DPYD: variants seen among roughly 807,000 people sequenced by gnomAD.
The protein encoded by DPYD is dihydropyrimidine dehydrogenase [NADP(+)].
A neutral mutation model predicts 116.2 loss-of-function variants in DPYD; 109 were observed. That is an observed-to-expected ratio of 0.94 (90% CI 0.80 to 1.10). The LOEUF is 1.10. Among genes scored for constraint, DPYD ranks in the 50% least tolerant of loss-of-function variants. DPYD has a pLI of 0.00. For missense variants in DPYD, 1,302 were observed against 1,254.5 expected, an observed-to-expected ratio of 1.04 and a Z score of -0.57; for synonymous variants, 440 against 432.0, an observed-to-expected ratio of 1.02 and a Z score of -0.23.
intron 8 of DPYD, among the ~76,000 whole-genome samples, chr1:97,665,924 C>A (rs149172548): frequency 0.013 from 1,917 of 152,204 alleles, 23 homozygotes; most frequent in Non-Finnish European, 0.022. Context: ...TGTTAGAATT[C>A]ATCATGAAGA....
At chr1:97,306,003 A>C (rs532588410) in intron 17 of DPYD, among the ~76,000 whole-genome samples, 174 bp downstream of exon 17, 2 of 152,064 alleles carry the variant, frequency 1.3e-5, no homozygotes, top group Admixed American at 6.6e-5. Context: ...ATTTGCTAGC[A>C]TGAGTCCAGG....
intron 13 of DPYD, among the ~76,000 whole-genome samples, chr1:97,470,129 A>AT (rs1355042190): frequency 6.6e-6 from 1 of 152,162 alleles, no homozygotes; most frequent in Admixed American, 6.5e-5. Context: ...AACTTCATAC[A>AT]TTCCCCCTGC....
intron 20 of DPYD, among the ~76,000 whole-genome samples, chr1:97,176,880 G>GTGTGTGTGTGTGTGTGTGTGTA (rs1657305564): frequency 1.5e-5 from 2 of 130,124 alleles, no homozygotes; most frequent in Non-Finnish European, 3.1e-5. Context: ...GTGTGTGTGT[G>GTGTGTGTGTGTGTGTGTGTGTA]TGTGTGTGTG....
chr1:97,691,904 T>A, intron 6 of DPYD, 106 bp from the exon 7 acceptor site: 1 of 840,660 alleles, frequency 1.2e-6, no homozygotes, highest in Non-Finnish European at 2.0e-6. Context: ...AGAAAATAAA[T>A]ATCTCTTCCA....
intron 18 of DPYD, among the ~76,000 whole-genome samples, chr1:97,262,700 T>C (rs1253520720): frequency 2.0e-5 from 3 of 152,126 alleles, no homozygotes; most frequent in South Asian, 4.1e-4. Flanking sequence ...ATAATTCTTC[T>C]TATTTCTTTT....
At chr1:97,651,062 C>A (rs928717377) in intron 8 of DPYD, among the ~76,000 whole-genome samples, 12 of 152,090 alleles carry the variant, frequency 7.9e-5, no homozygotes, top group Non-Finnish European at 1.5e-4. Context: ...AGACCTCAAA[C>A]CTTGTTTCTC....
At chr1:97,392,380 G>T (rs1156588879) in intron 14 of DPYD, among the ~76,000 whole-genome samples, 2 of 151,144 alleles carry the variant, frequency 1.3e-5, no homozygotes, top group Admixed American at 1.3e-4. Context: ...TTCTAGATAG[G>T]GTCTTGCTCC....
intron 2 of DPYD, among the ~76,000 whole-genome samples, chr1:97,873,280 C>T (rs1037356797): frequency 1.3e-5 from 2 of 151,808 alleles, no homozygotes; most frequent in Non-Finnish European, 2.9e-5. Context: ...ATATAAGTTT[C>T]AAAGTGAAAT....
chr1:97,256,792 C>T (rs1047305443), intron 18 of DPYD, among the ~76,000 whole-genome samples: 1 of 152,024 alleles, frequency 6.6e-6, no homozygotes, highest in African/African-American at 2.4e-5. Context: ...GCACTAAGAA[C>T]AAAATTAAGT....
At chr1:97,406,919 T>C (rs1673690040) in intron 14 of DPYD, among the ~76,000 whole-genome samples, 1 of 152,174 alleles carries the variant, frequency 6.6e-6, no homozygotes, top group African/African-American at 2.4e-5. Context: ...ACATAAAATC[T>C]GTGCATGATA....
chr1:97,760,835 C>T (rs111917033), intron 3 of DPYD, among the ~76,000 whole-genome samples: 1 of 152,112 alleles, frequency 6.6e-6, no homozygotes, highest in South Asian at 2.1e-4. Context: ...TGAGACCAAA[C>T]GTCCCCTGCC....
intron 20 of DPYD, among the ~76,000 whole-genome samples, chr1:97,110,446 A>G (rs115548223): frequency 0.015 from 2,297 of 152,216 alleles, 31 homozygotes; most frequent in Non-Finnish European, 0.023. Flanking sequence ...GTACCCTGTG[A>G]TCATCTGAAG....
chr1:97,725,919 A>G (rs993825758), intron 4 of DPYD, among the ~76,000 whole-genome samples: 1 of 151,522 alleles, frequency 6.6e-6, no homozygotes, highest in Non-Finnish European at 1.5e-5. Flanking sequence ...TGAAACTGCA[A>G]ATGTACTAGA....
At chr1:97,629,070 T>A (rs574202646) in intron 8 of DPYD, among the ~76,000 whole-genome samples, 1 of 152,216 alleles carries the variant, frequency 6.6e-6, no homozygotes, top group South Asian at 2.1e-4. Flanking sequence ...TGGATGTTTT[T>A]ATGGCTCCTT....
chr1:97,674,563 G>C (rs561998711), intron 8 of DPYD, among the ~76,000 whole-genome samples: 2 of 151,732 alleles, frequency 1.3e-5, no homozygotes, highest in African/African-American at 4.8e-5. Context: ...AAATAAATGG[G>C]CTTCTTTAAA....
At chr1:97,481,902 A>T (rs903992005) in intron 13 of DPYD, among the ~76,000 whole-genome samples, 2 of 152,176 alleles carry the variant, frequency 1.3e-5, no homozygotes, top group Non-Finnish European at 2.9e-5. Context: ...ACACACACAC[A>T]TATTTAGACA....
intron 16 of DPYD, among the ~76,000 whole-genome samples, chr1:97,369,244 T>C (rs1671191482): frequency 6.6e-6 from 1 of 152,178 alleles, no homozygotes; most frequent in Non-Finnish European, 1.5e-5. Flanking sequence ...AAATTGCATG[T>C]AGACAACTTT....
chr1:97,594,228 A>G (rs930934259), intron 9 of DPYD, among the ~76,000 whole-genome samples: 2 of 152,316 alleles, frequency 1.3e-5, no homozygotes, highest in East Asian at 3.9e-4. Context: ...TTTGCTTGGA[A>G]GATTTTGTAT....
At chr1:97,522,616 G>C (rs1367267334) in intron 12 of DPYD, among the ~76,000 whole-genome samples, 1 of 151,830 alleles carries the variant, frequency 6.6e-6, no homozygotes, top group South Asian at 2.1e-4. Context: ...CTACTTGGGA[G>C]GCTGAGGCAG....
Sources: gnomAD v4.1 joint callset for allele counts (sites outside exome capture counted in the v4.1 genomes callset) on GRCh38, gnomAD v4.1.1 for gene constraint, MANE v1.5 for transcripts, NCBI Gene and HGNC (gene_info 2026-07-23, HGNC 2026-07-21) for gene names.